MCU: variants seen among roughly 807,000 people sequenced by gnomAD.
MCU encodes the protein mitochondrial calcium uniporter.
A neutral mutation model predicts 45.2 loss-of-function variants in MCU; 12 were observed. The observed-to-expected ratio is 0.27, with a 90% CI of 0.17 to 0.43. The LOEUF is 0.43. MCU is among the 20% of genes least tolerant of loss of function. MCU has a pLI of 1.00. For synonymous variants in MCU, 160 were observed against 165.1 expected (o/e 0.97, Z 0.24); for missense variants, 324 against 436.7 (o/e 0.74, Z 2.30).
intron 7 of MCU, 89 bp from the exon 8 acceptor site, chr10:72,885,656 T>A: frequency 1.2e-6 from 1 of 817,146 alleles, no homozygotes. Flanking sequence ...TGACTTATAG[T>A]AATGGAGAAC....
intron 1 of MCU, among the ~76,000 whole-genome samples, chr10:72,755,326 T>G (rs1843559764): frequency 6.6e-6 from 1 of 151,984 alleles, no homozygotes; most frequent in African/African-American, 2.4e-5. Context: ...TTTTGTATTT[T>G]TAGTAGAGAC....
chr10:72,755,428 A>G (rs1428176391), intron 1 of MCU, among the ~76,000 whole-genome samples: 1 of 152,122 alleles, frequency 6.6e-6, no homozygotes, highest in African/African-American at 2.4e-5. Flanking sequence ...GATTACAGGC[A>G]TGAGCCACCC....
chr10:72,814,029 A>T (rs997894754), intron 1 of MCU, among the ~76,000 whole-genome samples: 2 of 152,194 alleles, frequency 1.3e-5, no homozygotes, highest in African/African-American at 4.8e-5. Flanking sequence ...AAATCCCCTA[A>T]TCTAACCTTC....
intron 1 of MCU, among the ~76,000 whole-genome samples, chr10:72,760,828 A>G (rs1843646348): frequency 1.3e-5 from 2 of 150,366 alleles, no homozygotes; most frequent in Non-Finnish European, 2.9e-5. Flanking sequence ...CTGCGATTAC[A>G]GGCATGAGCC....
intron 1 of MCU, among the ~76,000 whole-genome samples, chr10:72,775,749 C>T (rs1843883380): frequency 6.6e-6 from 1 of 152,100 alleles, no homozygotes; most frequent in Non-Finnish European, 1.5e-5. Flanking sequence ...AACTATACAC[C>T]ACCAAAATGG....
intron 6 of MCU, among the ~76,000 whole-genome samples, chr10:72,873,659 G>A (rs908658788): frequency 1.3e-5 from 2 of 152,076 alleles, no homozygotes; most frequent in African/African-American, 4.8e-5. Context: ...GCTTTTTGAG[G>A]TCTTACAAAA....
At chr10:72,808,091 T>C (rs1319756437) in intron 1 of MCU, among the ~76,000 whole-genome samples, 3 of 152,212 alleles carry the variant, frequency 2.0e-5, no homozygotes, top group Admixed American at 2.0e-4. Context: ...ATTTAAAGAA[T>C]AGTCACATTT....
At chr10:72,826,320 A>G (rs1274504375) in intron 1 of MCU, among the ~76,000 whole-genome samples, 1 of 152,216 alleles carries the variant, frequency 6.6e-6, no homozygotes, top group Non-Finnish European at 1.5e-5. Flanking sequence ...ACACTTAAAA[A>G]TATAAGCTAC....
At chr10:72,732,881 G>A (rs187655579) in intron 1 of MCU, among the ~76,000 whole-genome samples, 107 of 152,272 alleles carry the variant, frequency 7.0e-4, no homozygotes, top group African/African-American at 2.4e-3. Flanking sequence ...TTAAATGATA[G>A]GCAAGAGCAT....
intron 2 of MCU, among the ~76,000 whole-genome samples, chr10:72,836,987 T>C (rs1259089292): frequency 6.6e-6 from 1 of 152,190 alleles, no homozygotes; most frequent in Non-Finnish European, 1.5e-5. Context: ...TGACCCTCAG[T>C]TTTTAGAAGT....
At chr10:72,789,309 G>A (rs116455842) in intron 1 of MCU, among the ~76,000 whole-genome samples, 2,063 of 152,236 alleles carry the variant, frequency 0.014, 46 homozygotes, top group African/African-American at 0.047. Flanking sequence ...TGTTGGTGGT[G>A]TGTGTACAAG....
chr10:72,886,118 G>A lies in MCU; in HGVS notation c.*296G>A, dbSNP rs111459204. The A allele has an allele frequency of 8.1e-4, 196 of 242,502 alleles. 2 individuals are homozygous for A. Among genetic ancestry groups the A allele is most frequent in the Middle Eastern group, 7.9e-3 (6 of 758 alleles). The allele number at this position is 242,502 out of a possible 1,614,324, so 15.0% of individuals were successfully genotyped here. A position where few individuals can be genotyped will look rare whatever the true frequency, so the allele number is the denominator to read the frequency against. On this transcript the variant is annotated 3_prime_UTR_variant, in exon 8 of 8. Coordinates refer to ENST00000373053, the MANE Select transcript of MCU (RefSeq NM_138357.3). Reference sequence around the variant, plus strand: ...ATTCATAAAGAGAAAACAATGCTGGGGGTGTTCGTTTCTTGCATCTTCTTT... The same window carrying A: ...ATTCATAAAGAGAAAACAATGCTGGAGGTGTTCGTTTCTTGCATCTTCTTT...
Position 72,862,131 on chromosome 10 carries a change from G to A in MCU, c.496+1604G>A, listed in dbSNP as rs900059151. The stretch of plus-strand genomic sequence containing the variant: ...TGAGTAGCTGGGACTACAGGTGCCC[G>A]CCACCACGCCTGGCTAATTTTTTGT... On this transcript the variant is annotated intron_variant, in intron 4 of 7. Coordinates refer to ENST00000373053, the MANE Select transcript of MCU (RefSeq NM_138357.3). Among the ~76,000 whole-genome samples, 104 of 151,762 alleles carry A rather than the reference G, an allele frequency of 6.9e-4. 1 individual carries two copies. Among genetic ancestry groups the A allele is most frequent in the Admixed American group, 1.4e-3 (22 of 15,256 alleles).
chr10:72,712,407 C>T (rs1378641367), intron 1 of MCU: 3 of 152,100 alleles, frequency 2.0e-5, no homozygotes, highest in Non-Finnish European at 4.4e-5. Flanking sequence ...ACAGTGAGCT[C>T]GTGGGGGATT....
chr10:72,720,479 C>T (rs1172714400), intron 1 of MCU, among the ~76,000 whole-genome samples: 3 of 150,160 alleles, frequency 2.0e-5, no homozygotes, highest in Non-Finnish European at 4.4e-5. Context: ...AGCCCTTTCA[C>T]TTTGCAGATC....
At chr10:72,850,268 C>A (rs1845188149) in intron 2 of MCU, among the ~76,000 whole-genome samples, 1 of 152,128 alleles carries the variant, frequency 6.6e-6, no homozygotes, top group Non-Finnish European at 1.5e-5. Context: ...CACTGAAATT[C>A]TATGATTATA....
chr10:72,842,787 T>C (rs1845066248), intron 2 of MCU, among the ~76,000 whole-genome samples: 1 of 151,336 alleles, frequency 6.6e-6, no homozygotes, highest in Non-Finnish European at 1.5e-5. Context: ...AAAATCAGTT[T>C]CCAGTGCAAT....
intron 1 of MCU, among the ~76,000 whole-genome samples, chr10:72,742,919 C>A (rs1417395954): frequency 6.6e-6 from 1 of 151,618 alleles, no homozygotes; most frequent in East Asian, 1.9e-4. Context: ...GGATTTTATT[C>A]AAGGTAGGAA....
chr10:72,773,691 C>G (rs1843846634), intron 1 of MCU, among the ~76,000 whole-genome samples: 1 of 152,024 alleles, frequency 6.6e-6, no homozygotes, highest in Non-Finnish European at 1.5e-5. Flanking sequence ...AATAAACTCT[C>G]AAAAGTTAAG....
Sources: allele counts gnomAD v4.1 joint callset (sites outside exome capture counted in the v4.1 genomes callset), GRCh38; gene constraint gnomAD v4.1.1; transcripts MANE v1.5; gene names NCBI Gene and HGNC (gene_info 2026-07-23, HGNC 2026-07-21).